MAN1A1: variants seen among roughly 807,000 people sequenced by gnomAD.
MAN1A1 encodes the protein mannosidase alpha class 1A member 1, also known as mannosyl-oligosaccharide 1,2-alpha-mannosidase IA.
A neutral mutation model predicts 70.8 loss-of-function variants in MAN1A1; 29 were observed. The ratio of observed to expected loss-of-function variants is 0.41; its 90% CI spans 0.31 to 0.56. The LOEUF (loss-of-function observed/expected upper bound fraction) is 0.56, where lower values mean the gene tolerates loss of function less well. Among genes scored for constraint, MAN1A1 ranks in the 20% least tolerant of loss-of-function variants. The probability of loss-of-function intolerance (pLI) is 0.29; values close to 1 mark genes in which losing one functional copy is unlikely to be tolerated. For missense variants in MAN1A1, 747 were observed against 841.3 expected, an observed-to-expected ratio of 0.89 and a Z score of 1.39; for synonymous variants, 349 against 330.1, an observed-to-expected ratio of 1.06 and a Z score of -0.62.
At position 119,231,930 on chromosome 6, in the gene MAN1A1, G is replaced by T. The variant is rs530394199; in HGVS notation, c.992+16330C>A. Among the ~76,000 whole-genome samples, 3 of 152,292 alleles carry T rather than the reference G, an allele frequency of 2.0e-5. 1 individual carries two copies. In the South Asian group the frequency reaches 6.2e-4, roughly 32 times the overall value. ...TGCCACTTTTAACTCTTTAGAGAAAGATTTTGAACTTTACATTTATTTTTT... is the reference window on the plus strand; with the variant it reads ...TGCCACTTTTAACTCTTTAGAGAAATATTTTGAACTTTACATTTATTTTTT... On this transcript the variant is annotated intron_variant, in intron 6 of 12. Transcript: ENST00000368468.
intron 6 of MAN1A1, among the ~76,000 whole-genome samples, chr6:119,213,972 A>T (rs1045324296): frequency 5.4e-5 from 8 of 148,170 alleles, no homozygotes; most frequent in African/African-American, 2.0e-4. Flanking sequence ...GCCTAAAAAC[A>T]TTTTTTTTTT....
chr6:119,194,894 G>A (rs952143500), intron 8 of MAN1A1, among the ~76,000 whole-genome samples: 2 of 151,374 alleles, frequency 1.3e-5, no homozygotes, highest in African/African-American at 4.9e-5. Context: ...GTGCAATGGT[G>A]CGATCTCGGC....
chr6:119,235,789 G>A (rs375615525), intron 6 of MAN1A1, among the ~76,000 whole-genome samples: 6 of 152,166 alleles, frequency 3.9e-5, no homozygotes, highest in African/African-American at 1.4e-4. Context: ...TCCTGTTAGG[G>A]TCTAAATGCA....
At chr6:119,184,552 G>A (rs1032729877) in intron 11 of MAN1A1, among the ~76,000 whole-genome samples, 1 of 152,146 alleles carries the variant, frequency 6.6e-6, no homozygotes, top group Admixed American at 6.5e-5. Flanking sequence ...ATCAAAGAGG[G>A]TTTGGAAACA....
intron 6 of MAN1A1, among the ~76,000 whole-genome samples, chr6:119,217,096 G>C (rs1204974271): frequency 6.6e-6 from 1 of 152,154 alleles, no homozygotes; most frequent in African/African-American, 2.4e-5. Context: ...GCCTTCCAAA[G>C]AGTATGTCCT....
intron 5 of MAN1A1, among the ~76,000 whole-genome samples, chr6:119,288,044 C>G (rs749253345): frequency 5.9e-5 from 9 of 152,060 alleles, no homozygotes; most frequent in Non-Finnish European, 1.2e-4. Flanking sequence ...AAGTTTACTA[C>G]AGGTACTTCA....
At chr6:119,197,228 G>C (rs1773593303) in intron 8 of MAN1A1, among the ~76,000 whole-genome samples, 3 of 151,576 alleles carry the variant, frequency 2.0e-5, no homozygotes, top group African/African-American at 7.3e-5. Context: ...AGAATCGCTT[G>C]AACCTGGCAG....
intron 6 of MAN1A1, among the ~76,000 whole-genome samples, chr6:119,238,594 G>C (rs913330614): frequency 1.3e-5 from 2 of 152,130 alleles, no homozygotes; most frequent in Admixed American, 1.3e-4. Context: ...AAGTCAATAA[G>C]AGCTTTACTA....
intron 5 of MAN1A1, among the ~76,000 whole-genome samples, chr6:119,289,646 T>C (rs933591890): frequency 2.6e-5 from 4 of 151,814 alleles, no homozygotes; most frequent in African/African-American, 9.7e-5. Flanking sequence ...TATAGATGAA[T>C]ACAGAAGTCA....
In MAN1A1 at chr6:119,315,590, G is replaced by A. The variant is rs3798640; in HGVS notation, c.604-8598C>T. ...TTGTGCTGTTACCAAATGGCAGAGG[G>A]TACAGGGGAAAAGAAAAAGAATAAA... On this transcript the variant is annotated intron_variant, in intron 2 of 12. Coordinates refer to ENST00000368468, the MANE Select transcript of MAN1A1 (RefSeq NM_005907.4). Among the ~76,000 whole-genome samples, 895 of 152,224 alleles carry A rather than the reference G, an allele frequency of 5.9e-3. 31 individuals carry two copies. The East Asian group carries it at 0.09, about 15-fold the overall frequency.
chr6:119,238,090 A>G (rs1359673966), intron 6 of MAN1A1, among the ~76,000 whole-genome samples: 1 of 152,204 alleles, frequency 6.6e-6, no homozygotes, highest in Non-Finnish European at 1.5e-5. Context: ...AGATATTAAA[A>G]ATTATGGCAA....
chr6:119,307,595 G>A (rs946256214), intron 2 of MAN1A1, among the ~76,000 whole-genome samples: 1 of 152,134 alleles, frequency 6.6e-6, no homozygotes, highest in African/African-American at 2.4e-5. Flanking sequence ...ATACATGTGT[G>A]TATATGTATG....
intron 6 of MAN1A1, among the ~76,000 whole-genome samples, chr6:119,242,039 T>C (rs1775025242): frequency 6.6e-6 from 1 of 151,650 alleles, no homozygotes; most frequent in African/African-American, 2.4e-5. Context: ...TGAGAGTCAC[T>C]GATACAAAGC....
chr6:119,291,235 C>T, intron 4 of MAN1A1, among the ~76,000 whole-genome samples: 1 of 152,002 alleles, frequency 6.6e-6, no homozygotes, highest in East Asian at 1.9e-4. Context: ...CTCTTTCTCT[C>T]TTTGCCTGTT....
chr6:119,243,572 A>C (rs1007901145), intron 6 of MAN1A1, among the ~76,000 whole-genome samples: 3 of 152,068 alleles, frequency 2.0e-5, no homozygotes, highest in African/African-American at 7.2e-5. Flanking sequence ...GGGGGCTATC[A>C]CCTTTTCTTA....
chr6:119,315,779 T>C (rs937314063), intron 2 of MAN1A1, among the ~76,000 whole-genome samples: 12 of 152,214 alleles, frequency 7.9e-5, no homozygotes, highest in African/African-American at 2.9e-4. Flanking sequence ...TTTCCTTACA[T>C]AGAACAGTTT....
intron 4 of MAN1A1, among the ~76,000 whole-genome samples, chr6:119,296,775 A>G (rs1160559345): frequency 6.6e-6 from 1 of 152,156 alleles, no homozygotes; most frequent in African/African-American, 2.4e-5. Flanking sequence ...CAAAGTGTTC[A>G]TTACAACTAA....
rs1772301016 is a variant in MAN1A1, at chr6:119,298,808, G to C, written c.816+3180C>G. Among the ~76,000 whole-genome samples, 3 of 151,866 alleles carry C rather than the reference G, an allele frequency of 2.0e-5. No individual in the cohort carries two copies. In the South Asian group the frequency reaches 6.2e-4, roughly 31 times the overall value. On this transcript the variant is annotated intron_variant, in intron 4 of 12. Coordinates refer to ENST00000368468, the MANE Select transcript of MAN1A1 (RefSeq NM_005907.4). ...AGACGGGGTTTCGCCATGTTAGCCA[G>C]GATGGTCTTAATCTCCTGACCTCAT...
intron 5 of MAN1A1, among the ~76,000 whole-genome samples, chr6:119,281,139 C>T (rs1027778583): frequency 4.6e-5 from 7 of 152,200 alleles, no homozygotes; most frequent in Non-Finnish European, 8.8e-5. Flanking sequence ...GTGCTTTTTA[C>T]TTGAAAATTT....
Sources: gnomAD v4.1 joint callset for allele counts (sites outside exome capture counted in the v4.1 genomes callset) on GRCh38, gnomAD v4.1.1 for gene constraint, MANE v1.5 for transcripts, NCBI Gene and HGNC (gene_info 2026-07-23, HGNC 2026-07-21) for gene names.